TTC6: variants seen among roughly 807,000 people sequenced by gnomAD.
The protein encoded by TTC6 is tetratricopeptide repeat protein 6.
TTC6 carries 172 observed loss-of-function variants against 210.4 expected under a neutral mutation model. The ratio of observed to expected loss-of-function variants is 0.82; its 90% CI spans 0.72 to 0.93. The LOEUF (loss-of-function observed/expected upper bound fraction) is 0.93. TTC6 is among the 40% of genes least tolerant of loss of function. The pLI, the probability that TTC6 is intolerant of heterozygous loss-of-function variation, is 0.00. For synonymous variants in TTC6, 804 were observed against 819.6 expected, an observed-to-expected ratio of 0.98 and a Z score of 0.32; for missense variants, 2,414 against 2,318.1, an observed-to-expected ratio of 1.04 and a Z score of -0.85.
chr14:37,622,792 CG>C lies in TTC6; in HGVS notation c.732del (p.Leu245Ter). ...GGGGCCCGCGAGGCGCGGGAAGCGG[CG>C]GGGTTAGGAGCCCAGGGAGAACAGG... is the stretch of plus-strand genomic sequence containing the variant. On this transcript the variant is annotated frameshift_variant, in exon 1 of 31. Transcript: ENST00000553443. LOFTEE classifies it high-confidence loss of function. The C allele has an allele frequency of 6.5e-7, 1 of 1,534,400 alleles. No individual in the cohort carries two copies. Among genetic ancestry groups the C allele is most frequent in the Non-Finnish European group, 8.7e-7 (1 of 1,146,092 alleles).
chr14:37,726,659 G>T (rs1427865876), intron 7 of TTC6, among the ~76,000 whole-genome samples: 1 of 151,822 alleles, frequency 6.6e-6, no homozygotes, highest in East Asian at 1.9e-4. Context: ...TTCTGAAATT[G>T]ATATGGCTTA....
At chr14:37,796,657 T>C in intron 19 of TTC6, 130 bp from the exon 22 acceptor site, 1 of 862,234 alleles carries the variant, frequency 1.2e-6, no homozygotes, top group Non-Finnish European at 1.7e-6. Context: ...TATGATTTGT[T>C]AATTTTATAA....
chr14:37,742,645 T>C (rs1236018936), intron 10 of TTC6, among the ~76,000 whole-genome samples: 1 of 152,002 alleles, frequency 6.6e-6, no homozygotes, highest in African/African-American at 2.4e-5. Context: ...CTTGAACTTC[T>C]GGTCTCAAGC....
At chr14:37,791,910 A>G (rs769560148) in intron 16 of TTC6, among the ~76,000 whole-genome samples, 1 of 152,156 alleles carries the variant, frequency 6.6e-6, no homozygotes, top group Non-Finnish European at 1.5e-5. Context: ...ACTCGTGGCC[A>G]ATAGAACATA....
intron 14 of TTC6, among the ~76,000 whole-genome samples, chr14:37,770,195 C>T (rs2096013434): frequency 6.6e-6 from 1 of 152,030 alleles, no homozygotes; most frequent in Non-Finnish European, 1.5e-5. Context: ...TGTTCTTTTA[C>T]ATTTGCTGAG....
chr14:37,692,870 A>C (rs1026433971), intron 3 of TTC6, among the ~76,000 whole-genome samples: 1 of 144,466 alleles, frequency 6.9e-6, no homozygotes, highest in Non-Finnish European at 1.6e-5. Context: ...AAAATAAATA[A>C]ATAAATAAAT....
At chr14:37,765,314 C>T (rs1020146895) in intron 14 of TTC6, among the ~76,000 whole-genome samples, 1 of 150,840 alleles carries the variant, frequency 6.6e-6, no homozygotes, top group African/African-American at 2.4e-5. Flanking sequence ...AGGTGCACAC[C>T]ACCACACCTA....
intron 1 of TTC6, among the ~76,000 whole-genome samples, chr14:37,603,204 T>C (rs2095619095): frequency 6.6e-6 from 1 of 152,214 alleles, no homozygotes; most frequent in Non-Finnish European, 1.5e-5. Context: ...ACCGCAGTGC[T>C]GCCGACCTCT....
intron 1 of TTC6, among the ~76,000 whole-genome samples, chr14:37,649,425 A>G (rs2095707307): frequency 6.6e-6 from 1 of 152,102 alleles, no homozygotes. Flanking sequence ...GGACCCCACA[A>G]CATTTATGTT....
intron 12 of TTC6, 147 bp from the exon 15 acceptor site, chr14:37,750,906 T>C (rs2095949862): frequency 2.2e-6 from 1 of 463,234 alleles, no homozygotes; most frequent in Non-Finnish European, 3.6e-6. Flanking sequence ...TAAAATAAAA[T>C]AGAATAAAAT....
intron 15 of TTC6, among the ~76,000 whole-genome samples, chr14:37,789,340 G>GT (rs11399268): frequency 0.63 from 94,740 of 151,090 alleles, 30,448 homozygotes; most frequent in African/African-American, 0.76. Context: ...CTTAAGAAGA[G>GT]TTTTTTTATT....
intron 7 of TTC6, among the ~76,000 whole-genome samples, chr14:37,726,924 CTTTCTGATGGTG>C (rs1233725882): frequency 2.0e-5 from 3 of 151,648 alleles, no homozygotes; most frequent in Non-Finnish European, 4.4e-5. Context: ...TTTCTTTTTC[CTTTCTGATGGTG>C]TTTCTGATAT....
At chr14:37,697,615 C>G (rs1313160114) in intron 4 of TTC6, among the ~76,000 whole-genome samples, 3 of 152,130 alleles carry the variant, frequency 2.0e-5, no homozygotes, top group Admixed American at 6.6e-5. Flanking sequence ...ATGGATATTA[C>G]TCACAATTTA....
intron 3 of TTC6, among the ~76,000 whole-genome samples, chr14:37,695,109 A>G (rs903991440): frequency 6.6e-6 from 1 of 151,210 alleles, no homozygotes; most frequent in Admixed American, 6.6e-5. Context: ...ACTGGAGATC[A>G]TTATGTTAAG....
intron 2 of TTC6, among the ~76,000 whole-genome samples, chr14:37,612,071 T>C (rs1476568264): frequency 3.3e-5 from 5 of 152,226 alleles, no homozygotes; most frequent in Non-Finnish European, 7.3e-5. Context: ...GCATAATTTA[T>C]ATTCAGTAAG....
exon 30 of TTC6, chr14:37,841,464 A>G: frequency 6.3e-7 from 1 of 1,589,566 alleles, no homozygotes; most frequent in East Asian, 2.3e-5. Flanking sequence ...TACTTCTCAA[A>G]AGCTTTAAAA....
At chr14:37,689,978 CA>C in intron 3 of TTC6, among the ~76,000 whole-genome samples, 1 of 151,966 alleles carries the variant, frequency 6.6e-6, no homozygotes, top group South Asian at 2.1e-4. Flanking sequence ...AATGATTAAC[CA>C]ACAAAAAATA....
chr14:37,678,197 T>C lies in TTC6; in HGVS notation c.940-1954T>C, dbSNP rs189567775. ...AGAGCAGTTTGATTTTTTCAAGAAT[T>C]ATTTTAAAGCATTGTTAATGTCCAC... is the stretch of plus-strand genomic sequence containing the variant. On this transcript the variant is annotated intron_variant, in intron 1 of 30. Coordinates refer to ENST00000553443, the Ensembl canonical transcript of TTC6. Among the ~76,000 whole-genome samples the C allele has an allele frequency of 1.4e-4, 22 of 152,258 alleles. No individual in the cohort carries two copies. The East Asian group carries it at 2.9e-3, about 20-fold the overall frequency.
At chr14:37,655,323 G>A (rs1429765211) in intron 1 of TTC6, among the ~76,000 whole-genome samples, 3 of 152,130 alleles carry the variant, frequency 2.0e-5, no homozygotes, top group Non-Finnish European at 4.4e-5. Context: ...GAAAAAAATG[G>A]ATAGTTTCTC....
Sources: gnomAD v4.1 joint callset for allele counts (sites outside exome capture counted in the v4.1 genomes callset) on GRCh38, gnomAD v4.1.1 for gene constraint, MANE v1.5 for transcripts, NCBI Gene and HGNC (gene_info 2026-07-23, HGNC 2026-07-21) for gene names.